Variants in N4BP2 observed in about 807,000 individuals in gnomAD.
N4BP2 encodes the protein NEDD4-binding protein 2.
In N4BP2, 91 loss-of-function variants were observed where a neutral mutation model predicts 152.8. The ratio of observed to expected loss-of-function variants is 0.60; its 90% CI spans 0.50 to 0.71. N4BP2 has a LOEUF of 0.71. Ranked by LOEUF, N4BP2 falls within the 30% of genes least tolerant of loss-of-function variation. N4BP2 has a pLI of 0.00. For synonymous variants in N4BP2, 646 were observed against 705.3 expected (o/e 0.92, Z 1.33); for missense variants, 1,923 against 2,059.1 (o/e 0.93, Z 1.28).
chr4:40,094,769 C>T (rs775612013), intron 2 of N4BP2, among the ~76,000 whole-genome samples: 2 of 151,508 alleles, frequency 1.3e-5, no homozygotes, highest in African/African-American at 4.9e-5. Flanking sequence ...TCAGGCTGGT[C>T]TCAAACTCCT....
At chr4:40,095,206 G>A (rs1714999638) in intron 2 of N4BP2, among the ~76,000 whole-genome samples, 1 of 151,956 alleles carries the variant, frequency 6.6e-6, no homozygotes, top group African/African-American at 2.4e-5. Context: ...TCAGCCTCCT[G>A]AGTAGCTGGG....
At chr4:40,160,452 A>T (rs1721828247), downstream of N4BP2, among the ~76,000 whole-genome samples, 1 of 152,110 alleles carries the variant, frequency 6.6e-6, no homozygotes, top group South Asian at 2.1e-4. Flanking sequence ...CTCGCCTGTG[A>T]TGTTGGGCAG....
In N4BP2 at chr4:40,102,216, A is replaced by T; in HGVS notation, c.371A>T (p.Glu124Val). 1 of 1,614,082 alleles carries T rather than the reference A, an allele frequency of 6.2e-7. No individual in the cohort carries two copies. The highest frequency in any genetic ancestry group is 8.5e-7 in the Non-Finnish European group (1 of 1,179,988). Residue 124 changes from glutamate to valine, a missense_variant, in exon 4 of 18, where the codon GAG becomes GTG. Glu to Val is a moderately radical substitution (Grantham distance 121, BLOSUM62 -2). Transcript: ENST00000261435. Reference sequence around the variant, plus strand: ...ATAATGGAAAAACGTCCTGAAGAAGAGAGTGAAGATTCAAAAATGGATTCA... The same window carrying T: ...ATAATGGAAAAACGTCCTGAAGAAGTGAGTGAAGATTCAAAAATGGATTCA... ...SKIMEKRPEE[E>V]SEDSKMDSFL...
rs528229656 is a variant in N4BP2 at position 40,091,889 on chromosome 4, G to T, written c.-114-5338G>T. Among the ~76,000 whole-genome samples the T allele has an allele frequency of 4.2e-5, 6 of 143,104 alleles. No homozygotes were observed. In the South Asian group the frequency reaches 1.3e-3, roughly 32 times the overall value. The allele number at this position is 143,104 out of a possible 152,430, so 93.9% of individuals were successfully genotyped here. A position where few individuals can be genotyped will look rare whatever the true frequency, so the allele number is the denominator to read the frequency against. On this transcript the variant is annotated intron_variant, in intron 2 of 17. Transcript: ENST00000261435. ...CTCCTAAAGTTCTGGGATTATAAGT[G>T]TGAACTACTATGCCCCGCCAAAATT...
intron 3 of N4BP2, among the ~76,000 whole-genome samples, chr4:40,099,823 T>C (rs373732410): frequency 2.0e-5 from 3 of 152,324 alleles, no homozygotes; most frequent in African/African-American, 7.2e-5. Flanking sequence ...AAGTTTTTAG[T>C]TGATCTTTTC....
At chr4:40,158,796 C>T (rs1017907346), downstream of N4BP2, among the ~76,000 whole-genome samples, 4 of 151,954 alleles carry the variant, frequency 2.6e-5, no homozygotes, top group Non-Finnish European at 5.9e-5. Context: ...CTCTTAGAGA[C>T]TCAAGTAATG....
intron 4 of N4BP2, among the ~76,000 whole-genome samples, chr4:40,104,041 G>A (rs1715988704): frequency 6.6e-6 from 1 of 151,738 alleles, no homozygotes; most frequent in South Asian, 2.1e-4. Flanking sequence ...TGCAAGCTCC[G>A]CCTCCCAGGT....
At chr4:40,160,984 G>A (rs908046834), downstream of N4BP2, among the ~76,000 whole-genome samples, 9 of 152,066 alleles carry the variant, frequency 5.9e-5, no homozygotes, top group Non-Finnish European at 1.2e-4. Flanking sequence ...AAACAATTTC[G>A]CCCTCCTTCC....
intron 2 of N4BP2, among the ~76,000 whole-genome samples, chr4:40,088,477 G>T (rs1199354601): frequency 6.6e-6 from 1 of 150,646 alleles, no homozygotes; most frequent in African/African-American, 2.4e-5. Flanking sequence ...TAGTCAATTT[G>T]ATAGGTAAGT....
At chr4:40,123,032 GTT>G (rs2110000678) in intron 9 of N4BP2, 93 bp from the exon 10 acceptor site, 1 of 690,226 alleles carries the variant, frequency 1.4e-6, no homozygotes, top group East Asian at 2.6e-5. Context: ...AATAGTACAA[GTT>G]AGTTTTGTGA....
In N4BP2 at chr4:40,156,316, G is replaced by A. The variant is rs1487832709; in HGVS notation, c.*2079G>A. 2.6e-5 allele frequency: 4 copies of A among 152,110 alleles called. No homozygotes were observed. Among genetic ancestry groups the A allele is most frequent in the African/African-American group, 9.7e-5 (4 of 41,428 alleles). The allele number at this position is 152,110 out of a possible 1,614,324, so 9.4% of individuals were successfully genotyped here. A position where few individuals can be genotyped will look rare whatever the true frequency, so the allele number is the denominator to read the frequency against. On this transcript the variant is annotated 3_prime_UTR_variant, in exon 18 of 18. Coordinates refer to ENST00000261435, the MANE Select transcript of N4BP2 (RefSeq NM_018177.6). The stretch of plus-strand genomic sequence containing the variant: ...AATGAAGGAGCAGTCAGAAGTAGAG[G>A]TGTGGTATTCCGTGGGCAGAAGTCA...
intron 16 of N4BP2, among the ~76,000 whole-genome samples, chr4:40,148,472 G>C (rs1720828173): frequency 9.5e-6 from 1 of 104,728 alleles, no homozygotes; most frequent in African/African-American, 2.7e-5. Context: ...TGTGGGGAGA[G>C]GGAGAGGGGG....
At position 40,117,907 on chromosome 4, in the gene N4BP2, G is replaced by A; in HGVS notation, c.1703G>A (p.Arg568Lys). The change falls in exon 8 of 18, where the codon AGA (arginine) becomes AAA (lysine). Residue 568 changes from arginine to lysine, a missense_variant. By Grantham distance (26) the Arg-to-Lys change is conservative. Transcript: ENST00000261435. ...IHGVSKEKIT[R>K]MLEHYQRFVS... ...GGGGTAAGCAAAGAAAAAATAACAAGAATGTTGGAACATTATCAACGTTTT... is the reference window on the plus strand; with the variant it reads ...GGGGTAAGCAAAGAAAAAATAACAAAAATGTTGGAACATTATCAACGTTTT... 1.2e-6 allele frequency: 2 copies of A among 1,611,152 alleles called. No individual in the cohort carries two copies. The highest frequency in any genetic ancestry group is 1.7e-4 in the Middle Eastern group (1 of 6,044).
At chr4:40,181,781 C>G in the N4BP2 span, among the ~76,000 whole-genome samples, 1 of 152,168 alleles carries the variant, frequency 6.6e-6, no homozygotes, top group South Asian at 2.1e-4. Context: ...AACCCCGTCT[C>G]TACTAAAAAA....
the N4BP2 span, among the ~76,000 whole-genome samples, chr4:40,177,771 C>T: frequency 7.2e-5 from 11 of 152,266 alleles, no homozygotes; most frequent in East Asian, 1.2e-3. Flanking sequence ...GCTCTCTTTA[C>T]GGCTGCTCCC....
chr4:40,109,312 A>G (rs1579047069), intron 5 of N4BP2, among the ~76,000 whole-genome samples: 1 of 152,218 alleles, frequency 6.6e-6, no homozygotes, highest in Non-Finnish European at 1.5e-5. Context: ...GTTACTAGCT[A>G]TATGATCTTG....
chr4:40,176,244 G>A, the N4BP2 span, among the ~76,000 whole-genome samples: 14 of 152,206 alleles, frequency 9.2e-5, no homozygotes, highest in African/African-American at 3.4e-4. Context: ...ATCTTGCAAT[G>A]ATTTTGCAAG....
chr4:40,069,469 C>T (rs543707811), intron 1 of N4BP2, among the ~76,000 whole-genome samples: 114 of 152,114 alleles, frequency 7.5e-4, no homozygotes, highest in South Asian at 1.5e-3. Flanking sequence ...TCACTTACAG[C>T]GTGGTTGAAT....
chr4:40,187,802 G>A, the N4BP2 span, among the ~76,000 whole-genome samples: 7 of 152,124 alleles, frequency 4.6e-5, no homozygotes, highest in Non-Finnish European at 1.0e-4. Flanking sequence ...CACACATGTC[G>A]TTCACATCAT....
Sources: gnomAD v4.1 joint callset for allele counts (sites outside exome capture counted in the v4.1 genomes callset) on GRCh38, gnomAD v4.1.1 for gene constraint, MANE v1.5 for transcripts, NCBI Gene and HGNC (gene_info 2026-07-23, HGNC 2026-07-21) for gene names.